KIAA1671: variants seen among roughly 807,000 people sequenced by gnomAD.
The protein encoded by KIAA1671 is uncharacterized protein KIAA1671.
A neutral mutation model predicts 131.2 loss-of-function variants in KIAA1671; 52 were observed. The ratio of observed to expected loss-of-function variants is 0.40; its 90% confidence interval spans 0.32 to 0.50. The LOEUF is 0.50. Ranked by LOEUF, KIAA1671 falls within the 20% of genes least tolerant of loss-of-function variation. KIAA1671 has a pLI of 0.73. For synonymous variants in KIAA1671, 1,003 were observed against 961.6 expected, an observed-to-expected ratio of 1.04 and a Z score of -0.80; for missense variants, 2,360 against 2,364.2, an observed-to-expected ratio of 1.00 and a Z score of 0.04.
chr22:24,973,398 T>TG (rs1367561374), intron 1 of KIAA1671, among the ~76,000 whole-genome samples: 2 of 95,274 alleles, frequency 2.1e-5, no homozygotes, highest in Non-Finnish European at 4.3e-5. Flanking sequence ...GGTTTTTTTT[T>TG]TTTTTTTTTT....
At chr22:25,121,478 A>C (rs866653916) in intron 6 of KIAA1671, among the ~76,000 whole-genome samples, 1 of 151,402 alleles carries the variant, frequency 6.6e-6, no homozygotes, top group South Asian at 2.1e-4. Flanking sequence ...AAAAAAAAAA[A>C]GAGAATGGAG....
intron 7 of KIAA1671, among the ~76,000 whole-genome samples, chr22:25,173,823 T>C (rs979444122): frequency 6.6e-6 from 1 of 152,320 alleles, no homozygotes; most frequent in African/African-American, 2.4e-5. Context: ...GTTTACATTC[T>C]TTTTTTCTAT....
chr22:24,983,886 C>T (rs1923367940), intron 1 of KIAA1671, among the ~76,000 whole-genome samples: 2 of 150,152 alleles, frequency 1.3e-5, no homozygotes, highest in African/African-American at 4.9e-5. Flanking sequence ...TCAAGCAATT[C>T]TCCTGCCTCA....
At chr22:24,985,447 C>G (rs192434246) in intron 1 of KIAA1671, among the ~76,000 whole-genome samples, 1 of 151,882 alleles carries the variant, frequency 6.6e-6, no homozygotes, top group African/African-American at 2.4e-5. Flanking sequence ...TCACGCCATT[C>G]TCCTGCCTCA....
At chr22:24,953,429 G>A (rs750428242) in intron 1 of KIAA1671, among the ~76,000 whole-genome samples, 23 of 152,064 alleles carry the variant, frequency 1.5e-4, no homozygotes, top group Non-Finnish European at 3.1e-4. Flanking sequence ...GGGCGTGAGA[G>A]GGGCGGCGCG....
At chr22:25,176,539 A>G (rs1283863209) in intron 8 of KIAA1671, 1 of 152,218 alleles carries the variant, frequency 6.6e-6, no homozygotes, top group Non-Finnish European at 1.5e-5. Context: ...CACTCTGTTT[A>G]TCTCCTTTTT....
In KIAA1671 at chr22:25,174,327, G is replaced by A. The variant is rs762644220; in HGVS notation, c.4737G>A (p.Thr1579=). The A allele has an allele frequency of 1.9e-6, 3 of 1,551,880 alleles. No homozygotes were observed. Among genetic ancestry groups the A allele is most frequent in the East Asian group, 2.4e-5 (1 of 40,902 alleles). Residue 1579 remains threonine, a synonymous_variant, in exon 8 of 13, where the codon ACG becomes ACA. Coordinates refer to ENST00000358431, the MANE Select transcript of KIAA1671 (RefSeq NM_001145206.2). ...GTTTGTCTTCTCTGTCCTCCCAAACGGAGCCCACCTCGGCAGGGGACCAGT... is the reference window on the plus strand; with the variant it reads ...GTTTGTCTTCTCTGTCCTCCCAAACAGAGCCCACCTCGGCAGGGGACCAGT... ...SSRLSSLSSQ[T]EPTSAGDQYD...
intron 5 of KIAA1671, among the ~76,000 whole-genome samples, chr22:25,045,729 A>G (rs2145814615): frequency 6.6e-6 from 1 of 152,136 alleles, no homozygotes; most frequent in Non-Finnish European, 1.5e-5. Context: ...AGCTGGGACT[A>G]CAGGTGCACA....
At position 25,193,136 on chromosome 22, in the gene KIAA1671, ACG is replaced by A. The variant is rs1934722494; in HGVS notation, c.*736_*737del. The A allele has an allele frequency of 6.6e-6, 1 of 152,216 alleles. No homozygotes were observed. The highest frequency in any genetic ancestry group is 1.5e-5 in the Non-Finnish European group (1 of 68,036). 9.4% of individuals were successfully genotyped at this position (152,216 alleles called of 1,614,324 possible). A position where few individuals can be genotyped will look rare whatever the true frequency, so the allele number is the denominator to read the frequency against. On this transcript the variant is annotated 3_prime_UTR_variant, in exon 13 of 13. Coordinates refer to ENST00000358431, the MANE Select transcript of KIAA1671 (RefSeq NM_001145206.2). The stretch of plus-strand genomic sequence containing the variant: ...AAACTTGATAGGTATATATGTGTTT[ACG>A]TTAAAGGACAGGAGGAAAGATGTGC...
At chr22:25,124,946 T>TG (rs1397337312) in intron 6 of KIAA1671, among the ~76,000 whole-genome samples, 3 of 152,036 alleles carry the variant, frequency 2.0e-5, no homozygotes, top group South Asian at 2.1e-4. Flanking sequence ...TTTGTAGAGA[T>TG]GGGGGTCTCA....
At chr22:24,987,398 C>T (rs2123840099) in intron 1 of KIAA1671, among the ~76,000 whole-genome samples, 1 of 152,116 alleles carries the variant, frequency 6.6e-6, no homozygotes, top group East Asian at 1.9e-4. Flanking sequence ...TTCTCGATCT[C>T]CTGACCTCGT....
intron 1 of KIAA1671, among the ~76,000 whole-genome samples, chr22:24,978,800 C>T (rs1923054556): frequency 6.6e-6 from 1 of 152,154 alleles, no homozygotes. Flanking sequence ...TCTCCTGCTT[C>T]AGCCTCCTGA....
At chr22:25,143,715 A>G (rs1238993434) in intron 6 of KIAA1671, among the ~76,000 whole-genome samples, 2 of 152,034 alleles carry the variant, frequency 1.3e-5, no homozygotes, top group Non-Finnish European at 2.9e-5. Context: ...AGGCTCCCCA[A>G]CCCTCACCAC....
chr22:24,998,426 A>C (rs1369763401), intron 1 of KIAA1671, among the ~76,000 whole-genome samples: 2 of 151,738 alleles, frequency 1.3e-5, no homozygotes, highest in African/African-American at 4.8e-5. Context: ...AAAATAAAAG[A>C]AATTGCATTT....
intron 4 of KIAA1671, among the ~76,000 whole-genome samples, chr22:25,034,898 TGG>T (rs1479699646): frequency 1.3e-5 from 2 of 149,850 alleles, no homozygotes; most frequent in Non-Finnish European, 3.0e-5. Flanking sequence ...CCACCACGCC[TGG>T]CTAATTTTTT....
chr22:25,003,997 T>C (rs543328755), intron 1 of KIAA1671, among the ~76,000 whole-genome samples: 7 of 151,548 alleles, frequency 4.6e-5, no homozygotes, highest in Non-Finnish European at 1.0e-4. Flanking sequence ...TTTTGTATCT[T>C]TAGTAGAGAT....
At chr22:25,126,758 A>G (rs1009461977) in intron 6 of KIAA1671, among the ~76,000 whole-genome samples, 1 of 152,152 alleles carries the variant, frequency 6.6e-6, no homozygotes, top group Non-Finnish European at 1.5e-5. Flanking sequence ...TTCTAAATTC[A>G]TTGTTGAGGC....
At chr22:25,044,154 C>T (rs766213782) in intron 5 of KIAA1671, among the ~76,000 whole-genome samples, 1 of 152,210 alleles carries the variant, frequency 6.6e-6, no homozygotes. Flanking sequence ...ATCTGAATCT[C>T]CACGCTGCTA....
intron 6 of KIAA1671, among the ~76,000 whole-genome samples, chr22:25,091,426 T>G (rs2039419240): frequency 6.6e-6 from 1 of 152,176 alleles, no homozygotes; most frequent in Non-Finnish European, 1.5e-5. Flanking sequence ...GAAGATGATT[T>G]TGTTCTACCT....
Sources: allele counts gnomAD v4.1 joint callset (sites outside exome capture counted in the v4.1 genomes callset), GRCh38; gene constraint gnomAD v4.1.1; transcripts MANE v1.5; gene names NCBI Gene and HGNC (gene_info 2026-07-23, HGNC 2026-07-21).